The following SPDYC variants were observed in gnomAD, a reference collection of about 807,000 sequenced individuals.
The protein encoded by SPDYC is speedy/RINGO cell cycle regulator family member C.
Under a neutral mutation model 33.9 loss-of-function variants are expected in SPDYC, and 25 were observed. The ratio of observed to expected loss-of-function variants is 0.74; its 90% CI spans 0.54 to 1.03. The LOEUF (loss-of-function observed/expected upper bound fraction) is 1.03. Ranked by LOEUF, SPDYC falls within the 50% of genes least tolerant of loss-of-function variation. The probability of loss-of-function intolerance (pLI) is 0.00; values close to 1 mark genes in which losing one functional copy is unlikely to be tolerated. For synonymous variants in SPDYC, 133 were observed against 140.2 expected (o/e 0.95, Z 0.36); for missense variants, 349 against 382.9 (o/e 0.91, Z 0.74).
At chr11:65,172,496 C>A in exon 5 of SPDYC, 1 of 1,581,390 alleles carries the variant, frequency 6.3e-7, no homozygotes. Flanking sequence ...TTTCCATGGG[C>A]CCTGGGAAAA....
At chr11:65,171,088 C>T (rs1948425814) in intron 1 of SPDYC, among the ~76,000 whole-genome samples, 1 of 152,008 alleles carries the variant, frequency 6.6e-6, no homozygotes, top group Admixed American at 6.5e-5. Context: ...CTTGTTGCTG[C>T]TGTTACTCTG....
At chr11:65,171,461 G>C (rs746091682) in exon 2 of SPDYC, 1 of 1,594,958 alleles carries the variant, frequency 6.3e-7, no homozygotes, top group Non-Finnish European at 8.5e-7. Context: ...CTCCGTTTTC[G>C]CCAGCACCAG....
At position 65,172,678 on chromosome 11, in the gene SPDYC, TC is replaced by T; in HGVS notation, c.517-3del. ...CCCCATTTACTGTCCACTCTGCTCC[TC>T]CCAGGTCATGGCAAAGGAGCCATTC... On this transcript the variant is annotated splice_polypyrimidine_tract_variant and splice_region_variant and intron_variant, in intron 5 of 6. Transcript: ENST00000377185. 1.3e-6 allele frequency: 2 copies of T among 1,597,900 alleles called. No individual in the cohort carries two copies. The highest frequency in any genetic ancestry group is 1.7e-6 in the Non-Finnish European group (2 of 1,170,064).
chr11:65,172,707 C>T, exon 6 of SPDYC: 1 of 1,608,816 alleles, frequency 6.2e-7, no homozygotes, highest in Non-Finnish European at 8.5e-7. Context: ...AGCCATTCCA[C>T]TGGGCTTGGA....
At chr11:65,172,174 G>A in intron 3 of SPDYC, 72 bp from the exon 4 acceptor site, 1 of 1,578,200 alleles carries the variant, frequency 6.3e-7, no homozygotes, top group Non-Finnish European at 8.7e-7. Context: ...CTCCCTGGGT[G>A]CAAATGAACC....
intron 1 of SPDYC, among the ~76,000 whole-genome samples, chr11:65,170,840 G>A (rs1175459263): frequency 1.3e-5 from 2 of 152,128 alleles, no homozygotes; most frequent in African/African-American, 4.8e-5. Context: ...CCGAGATCGC[G>A]CCACTGCACT....
chr11:65,172,547 A>G, exon 5 of SPDYC: 1 of 1,569,784 alleles, frequency 6.4e-7, no homozygotes, highest in Non-Finnish European at 8.6e-7. Flanking sequence ...CACCAGAGGG[A>G]TAAGCTTTGG....
At chr11:65,171,265 C>A in intron 1 of SPDYC, 62 bp from the exon 2 acceptor site, 3 of 1,544,638 alleles carry the variant, frequency 1.9e-6, no homozygotes, top group South Asian at 1.2e-5. Flanking sequence ...CCTGTCACCA[C>A]CCTCTTGATT....
At chr11:65,171,072 G>T (rs76518575) in intron 1 of SPDYC, among the ~76,000 whole-genome samples, 8 of 152,212 alleles carry the variant, frequency 5.3e-5, no homozygotes, top group African/African-American at 1.9e-4. Flanking sequence ...GAAGCCCTCA[G>T]CGGTGCTTGT....
chr11:65,172,919 A>C lies in SPDYC; in HGVS notation c.752A>C (p.Asn251Thr), dbSNP rs749773533. The C allele has an allele frequency of 2.4e-5, 38 of 1,613,766 alleles. No individual in the cohort carries two copies. The highest frequency in any genetic ancestry group is 3.3e-5 in the Admixed American group (2 of 59,978). The change falls in exon 6 of 7, where the codon AAT (asparagine) becomes ACT (threonine). Residue 251 changes from asparagine to threonine, a missense_variant. Physicochemically the swap from Asn to Thr is moderately conservative, Grantham distance 65. Coordinates refer to ENST00000377185, the Ensembl canonical transcript of SPDYC. ...GAATGTCATCGCCCTCCCTCCCAAAATTATCTCTCAAGGGTCAAAAACGCC... is the reference window on the plus strand; with the variant it reads ...GAATGTCATCGCCCTCCCTCCCAAACTTATCTCTCAAGGGTCAAAAACGCC...
intron 3 of SPDYC, 102 bp downstream of exon 3, chr11:65,172,103 C>A: frequency 6.7e-7 from 1 of 1,491,054 alleles, no homozygotes; most frequent in Non-Finnish European, 9.3e-7. Context: ...CCATCCTTAC[C>A]CCCTCATCTT....
At chr11:65,171,276 T>C in intron 1 of SPDYC, 51 bp from the exon 2 acceptor site, 1 of 1,559,372 alleles carries the variant, frequency 6.4e-7, no homozygotes, top group Non-Finnish European at 8.7e-7. Context: ...CCTCTTGATT[T>C]GTGAGCATCA....
chr11:65,172,727 G>A lies in SPDYC; in HGVS notation c.560G>A (p.Arg187Gln), dbSNP rs781661812. 17 of 1,610,406 alleles carry A rather than the reference G, an allele frequency of 1.1e-5. No individual in the cohort carries two copies. Among genetic ancestry groups the A allele is most frequent in the Middle Eastern group, 1.6e-4 (1 of 6,068 alleles). Residue 187 changes from arginine (R) to glutamine (Q), a missense_variant, in exon 6 of 7, where the codon CGG becomes CAG. Transcript: ENST00000377185. ...TTCCACTGGGCTTGGACTCGGGACC[G>A]GCGCCCCCACCATGGTGGGGTTCAG...
chr11:65,173,290 T>G, downstream of SPDYC: 1 of 1,538,612 alleles, frequency 6.5e-7, no homozygotes, highest in East Asian at 2.3e-5. Context: ...CTCCCACCCC[T>G]GCCCCTTCCT....
chr11:65,171,625 A>ACCT, intron 2 of SPDYC, 126 bp downstream of exon 2: 1 of 1,184,968 alleles, frequency 8.4e-7, no homozygotes, highest in Non-Finnish European at 1.1e-6. Flanking sequence ...CAGGTATCCC[A>ACCT]GCTTAGGCAG....
At chr11:65,172,930 A>G in exon 6 of SPDYC, 7 of 1,613,706 alleles carry the variant, frequency 4.3e-6, no homozygotes, top group Non-Finnish European at 5.9e-6. Flanking sequence ...TTATCTCTCA[A>G]GGGTCAAAAA....
chr11:65,172,822 T>G, exon 6 of SPDYC: 1 of 1,614,142 alleles, frequency 6.2e-7, no homozygotes, highest in South Asian at 1.1e-5. Context: ...CTGTTCCCCC[T>G]GTGGTTTGCC....
chr11:65,172,945 T>G, exon 6 of SPDYC: 1 of 1,614,132 alleles, frequency 6.2e-7, no homozygotes, highest in East Asian at 2.2e-5. Flanking sequence ...CAAAAACGCC[T>G]GGGGTGGGGA....
At chr11:65,171,145 C>T (rs1948426870) in intron 1 of SPDYC, among the ~76,000 whole-genome samples, 182 bp from the exon 2 acceptor site, 1 of 151,976 alleles carries the variant, frequency 6.6e-6, no homozygotes, top group South Asian at 2.1e-4. Flanking sequence ...CACACCCTCA[C>T]CTATAGCAAC....
Sources: allele counts gnomAD v4.1 joint callset (sites outside exome capture counted in the v4.1 genomes callset), GRCh38; gene constraint gnomAD v4.1.1; transcripts MANE v1.5; gene names NCBI Gene and HGNC (gene_info 2026-07-23, HGNC 2026-07-21).